Variants in NHSL1 observed in about 807,000 individuals in gnomAD.
The protein encoded by NHSL1 is NHS-like protein 1.
In NHSL1, 48 loss-of-function variants were observed where a neutral mutation model predicts 95.0. The ratio of observed to expected loss-of-function variants is 0.51; its 90% CI spans 0.40 to 0.64. NHSL1 has a LOEUF of 0.64. Ranked by LOEUF, NHSL1 falls within the 30% of genes least tolerant of loss-of-function variation. NHSL1 has a pLI of 0.00. For missense variants in NHSL1, 1,971 were observed against 2,077.7 expected, an observed-to-expected ratio of 0.95 and a Z score of 1.00; for synonymous variants, 783 against 833.9, an observed-to-expected ratio of 0.94 and a Z score of 1.05.
Position 138,432,635 on chromosome 6 carries a change from T to A in NHSL1, c.1710A>T (p.Leu570Phe), listed in dbSNP as rs1024731333. 1 of 1,551,744 alleles carries A rather than the reference T, an allele frequency of 6.4e-7. No individual in the cohort carries two copies. Among genetic ancestry groups the A allele is most frequent in the Admixed American group, 2.0e-5 (1 of 51,004 alleles). ...NGRASPLKPH[L>F]ATPGYSTPTS... ...TGGGAGTGGAATAGCCAGGAGTTGC[T>A]AAATGCGGCTTCAGGGGGGATGCCC... Residue 570 changes from leucine to phenylalanine, a missense_variant, in exon 6 of 8, where the codon TTA becomes TTT. Around this residue, in one of 3 missense-constraint regions of NHSL1, gnomAD observed 1,602 missense variants for 1,654.5 expected, o/e 0.97. Transcript: ENST00000343505. The surrounding 1 kb of genome is among the most constrained non-coding windows in gnomAD (Gnocchi z 4.4).
intron 3 of NHSL1, among the ~76,000 whole-genome samples, chr6:138,456,017 A>G (rs1222267244): frequency 6.6e-6 from 1 of 152,224 alleles, no homozygotes; most frequent in African/African-American, 2.4e-5. Flanking sequence ...CTGAGCATCT[A>G]GTCTGTGCCA....
At chr6:138,660,654 A>T (rs1785215241) in intron 1 of NHSL1, among the ~76,000 whole-genome samples, 1 of 150,768 alleles carries the variant, frequency 6.6e-6, no homozygotes, top group South Asian at 2.1e-4. Flanking sequence ...AAAAAAAAGA[A>T]AAAAAAAATA....
upstream of NHSL1, among the ~76,000 whole-genome samples, chr6:138,547,615 C>T (rs967594179): frequency 1.3e-5 from 2 of 152,200 alleles, no homozygotes; most frequent in Admixed American, 6.5e-5. Flanking sequence ...GATCTCCTGA[C>T]CTTGTGATCC....
At chr6:138,577,524 T>C (rs1783989957), upstream of NHSL1, among the ~76,000 whole-genome samples, 1 of 152,094 alleles carries the variant, frequency 6.6e-6, no homozygotes. Flanking sequence ...ACAGAAGGCA[T>C]GTGAAAAGAG....
chr6:138,425,135 G>C (rs1775178298), intron 7 of NHSL1, among the ~76,000 whole-genome samples: 1 of 152,146 alleles, frequency 6.6e-6, no homozygotes, highest in South Asian at 2.1e-4. Context: ...CTGTCGCTCA[G>C]GCTGGAGTGC....
intron 1 of NHSL1, among the ~76,000 whole-genome samples, chr6:138,599,562 T>C (rs1784346004): frequency 1.3e-5 from 2 of 152,144 alleles, no homozygotes; most frequent in African/African-American, 4.8e-5. Flanking sequence ...TCTCCTTATA[T>C]AACATATGCA....
chr6:138,425,285 C>T (rs976415749), intron 7 of NHSL1, among the ~76,000 whole-genome samples: 6 of 151,908 alleles, frequency 3.9e-5, no homozygotes, highest in South Asian at 4.2e-4. Context: ...TTAGTAGAGA[C>T]GGGGTTTTGC....
intron 1 of NHSL1, among the ~76,000 whole-genome samples, chr6:138,587,140 T>G (rs1309561327): frequency 2.0e-5 from 3 of 152,016 alleles, no homozygotes; most frequent in Non-Finnish European, 4.4e-5. Flanking sequence ...GCCCGGCTAA[T>G]TTTTGTATTT....
chr6:138,432,657 G>A lies in NHSL1; in HGVS notation c.1688C>T (p.Ala563Val), dbSNP rs1263471593. ...TGCTAAATGCGGCTTCAGGGGGGAT[G>A]CCCTTCCATTACCTGAGGATTTGTA... ...WEYKSSGNGR[A>V]SPLKPHLATP... Residue 563 changes from alanine (A) to valine (V), a missense_variant, in exon 6 of 8, where the codon GCA (alanine) becomes GTA (valine). This residue lies in a region of NHSL1 where 1,602 missense variants were observed against 1,654.5 expected (regional missense o/e 0.97). Coordinates refer to ENST00000343505, the MANE Select transcript of NHSL1 (RefSeq NM_001144060.2). This position sits in a 1 kb window ranked among gnomAD's most constrained non-coding sequence, Gnocchi z 4.4. 1 of 1,551,590 alleles carries A rather than the reference G, an allele frequency of 6.4e-7. No individual in the cohort carries two copies. Among genetic ancestry groups the A allele is most frequent in the African/African-American group, 1.4e-5 (1 of 73,032 alleles).
At chr6:138,514,412 C>CT (rs1305507318) in intron 1 of NHSL1, among the ~76,000 whole-genome samples, 5 of 152,188 alleles carry the variant, frequency 3.3e-5, no homozygotes, top group African/African-American at 1.2e-4. Flanking sequence ...GGAATACACT[C>CT]TAAGACTTCC....
chr6:138,472,183 CAAAA>C (rs10668786), intron 3 of NHSL1, among the ~76,000 whole-genome samples: 3 of 92,442 alleles, frequency 3.2e-5, no homozygotes, highest in Non-Finnish European at 2.4e-5. Context: ...AAGATCTCAC[CAAAA>C]AAAAAAAAAA....
intron 1 of NHSL1, among the ~76,000 whole-genome samples, chr6:138,605,443 T>G (rs1333506123): frequency 1.3e-5 from 2 of 152,032 alleles, no homozygotes; most frequent in Non-Finnish European, 2.9e-5. Flanking sequence ...AAATATAAAC[T>G]CTCACATTCT....
intron 1 of NHSL1, among the ~76,000 whole-genome samples, chr6:138,497,278 C>T (rs529596152): frequency 4.2e-4 from 64 of 152,314 alleles, no homozygotes; most frequent in African/African-American, 1.5e-3. Flanking sequence ...TGTTTTAATA[C>T]TTTCTATATA....
chr6:138,590,246 C>G (rs72975277), intron 1 of NHSL1, among the ~76,000 whole-genome samples: 1,696 of 152,332 alleles, frequency 0.011, 12 homozygotes, highest in Non-Finnish European at 0.018. Flanking sequence ...GATCCGTTGG[C>G]CTTGGCCTCC....
At chr6:138,687,251 C>T (rs115874952) in intron 1 of NHSL1, among the ~76,000 whole-genome samples, 2,044 of 150,288 alleles carry the variant, frequency 0.014, 41 homozygotes, top group African/African-American at 0.046. Context: ...GCCTGCACAA[C>T]GTATGGAAAC....
At chr6:138,434,703 G>C (rs761167724) in intron 5 of NHSL1, among the ~76,000 whole-genome samples, 1 of 152,150 alleles carries the variant, frequency 6.6e-6, no homozygotes, top group Non-Finnish European at 1.5e-5. Flanking sequence ...CTCAACACGG[G>C]CTTTGCTGAG....
At chr6:138,456,883 C>CT (rs113834827) in intron 3 of NHSL1, among the ~76,000 whole-genome samples, 7,601 of 144,638 alleles carry the variant, frequency 0.053, 521 homozygotes, top group African/African-American at 0.16. Flanking sequence ...TTCTTTCTTT[C>CT]TTTTTTTTTT....
rs948220388 is a variant in NHSL1, at chr6:138,473,442, G to A, written c.212-9C>T. On this transcript the variant is annotated splice_polypyrimidine_tract_variant and intron_variant, in intron 2 of 7. Transcript: ENST00000343505. ...CCGCAACTTATCGCATTCTGCAGAG[G>A]GGCACGCAGGGAGGGGAAGGAGGCC... 7.0e-7 allele frequency: 1 copy of A among 1,429,718 alleles called. No individual in the cohort carries two copies. The highest frequency in any genetic ancestry group is 2.8e-5 in the East Asian group (1 of 36,114). The allele number at this position is 1,429,718 out of a possible 1,614,324, so 88.6% of individuals were successfully genotyped here. A position where few individuals can be genotyped will look rare whatever the true frequency, so the allele number is the denominator to read the frequency against.
At chr6:138,505,935 T>A (rs1780940666) in intron 1 of NHSL1, among the ~76,000 whole-genome samples, 1 of 152,222 alleles carries the variant, frequency 6.6e-6, no homozygotes, top group Non-Finnish European at 1.5e-5. Context: ...TAGAAGACTG[T>A]ATATGACTAA....
Sources: allele counts gnomAD v4.1 joint callset (sites outside exome capture counted in the v4.1 genomes callset), GRCh38; gene constraint gnomAD v4.1.1; regional missense constraint gnomAD v4.1.1; non-coding constraint Gnocchi (gnomAD v3.1); transcripts MANE v1.5; gene names NCBI Gene and HGNC (gene_info 2026-07-23, HGNC 2026-07-21).